Variants in KHDRBS2 observed in about 807,000 individuals in gnomAD.
KHDRBS2 encodes KH domain-containing, RNA-binding, signal transduction-associated protein 2.
In KHDRBS2, 26 loss-of-function variants were observed where a neutral mutation model predicts 44.3. The observed-to-expected ratio is 0.59, with a 90% CI of 0.43 to 0.81. The LOEUF is 0.81. KHDRBS2 is among the 40% of genes least tolerant of loss of function. The pLI, the probability that KHDRBS2 is intolerant of heterozygous loss-of-function variation, is 0.00. For synonymous variants in KHDRBS2, 194 were observed against 151.1 expected (o/e 1.28, Z -2.08); for missense variants, 476 against 433.1 (o/e 1.10, Z -0.88).
At chr6:61,961,977 G>T (rs138396890) in intron 4 of KHDRBS2, among the ~76,000 whole-genome samples, 2 of 150,572 alleles carry the variant, frequency 1.3e-5, no homozygotes, top group Admixed American at 6.6e-5. Context: ...TTTATGTGGA[G>T]ATATATATAT....
chr6:61,719,842 T>C (rs374171562), intron 7 of KHDRBS2, among the ~76,000 whole-genome samples: 1 of 152,092 alleles, frequency 6.6e-6, no homozygotes, highest in African/African-American at 2.4e-5. Flanking sequence ...GTTAGTTACA[T>C]ATGTATACAT....
At position 61,945,150 on chromosome 6, in the gene KHDRBS2, T is replaced by TATATATATCACAC. The variant is rs371595813; in HGVS notation, c.483+32915_483+32916insGTGTGATATATAT. Among the ~76,000 whole-genome samples the TATATATATCACAC allele has an allele frequency of 2.3e-5, 2 of 87,012 alleles. 1 individual carries two copies. The highest frequency in any genetic ancestry group is 4.6e-5 in the Non-Finnish European group (2 of 43,568). 57.1% of individuals were successfully genotyped at this position (87,012 alleles called of 152,430 possible). A position where few individuals can be genotyped will look rare whatever the true frequency, so the allele number is the denominator to read the frequency against. ...ATATATATATATATATATATATATA[T>TATATATATCACAC]ACACACAGACTTGTCTTGATAAAGT... On this transcript the variant is annotated intron_variant, in intron 4 of 8. Transcript: ENST00000281156.
intron 4 of KHDRBS2, among the ~76,000 whole-genome samples, chr6:61,909,272 T>C (rs1330694357): frequency 1.3e-5 from 2 of 152,100 alleles, no homozygotes; most frequent in Admixed American, 6.6e-5. Flanking sequence ...TTTTGCCATG[T>C]TGCCCAGGCT....
the KHDRBS2 span, among the ~76,000 whole-genome samples, chr6:61,567,245 G>A: frequency 6.6e-6 from 1 of 152,170 alleles, no homozygotes; most frequent in Non-Finnish European, 1.5e-5. Context: ...ATTTACAGCT[G>A]CAAGTTTTCT....
chr6:62,064,325 C>T (rs1401412454), intron 2 of KHDRBS2, among the ~76,000 whole-genome samples: 10 of 149,368 alleles, frequency 6.7e-5, no homozygotes, highest in Non-Finnish European at 1.3e-4. Context: ...ATCGCCAAGT[C>T]AATCCTAAGC....
Position 61,854,577 on chromosome 6 carries a change from T to G in KHDRBS2, c.810+40058A>C, listed in dbSNP as rs1037736777. ...AAACAAAATTATAATTTCCTTCTTG[T>G]AACTCATCTATATCTCACTCACTAT... On this transcript the variant is annotated intron_variant, in intron 6 of 8. Transcript: ENST00000281156. 2.0e-5 allele frequency among the ~76,000 whole-genome samples: 3 copies of G among 152,302 alleles called. No individual in the cohort carries two copies. In the South Asian group the frequency reaches 6.2e-4, roughly 32 times the overall value.
At chr6:61,722,018 C>T (rs1401047500) in intron 7 of KHDRBS2, among the ~76,000 whole-genome samples, 1 of 151,136 alleles carries the variant, frequency 6.6e-6, no homozygotes, top group African/African-American at 2.4e-5. Flanking sequence ...AAGGCCTTTT[C>T]TGCATCTATT....
chr6:61,571,540 A>T, the KHDRBS2 span, among the ~76,000 whole-genome samples: 1 of 149,626 alleles, frequency 6.7e-6, no homozygotes, highest in Non-Finnish European at 1.5e-5. Context: ...ATGGACTGAA[A>T]CTATACCCTA....
At chr6:61,679,862 A>C (rs1180263706), downstream of KHDRBS2, 1 of 151,960 alleles carries the variant, frequency 6.6e-6, no homozygotes, top group Non-Finnish European at 1.5e-5. Flanking sequence ...GTAAGTGGTA[A>C]TCTTACCTCT....
At chr6:61,702,419 T>C (rs746380709) in intron 7 of KHDRBS2, among the ~76,000 whole-genome samples, 12 of 151,924 alleles carry the variant, frequency 7.9e-5, no homozygotes, top group Non-Finnish European at 1.3e-4. Context: ...GTAGGAGAGA[T>C]AAACTTTTCT....
chr6:61,809,110 G>A (rs1346546737), intron 6 of KHDRBS2, among the ~76,000 whole-genome samples: 1 of 151,958 alleles, frequency 6.6e-6, no homozygotes, highest in African/African-American at 2.4e-5. Flanking sequence ...AAACTGTCAT[G>A]CAATGGTATC....
chr6:61,967,855 TACATACAC>T (rs57922976), intron 4 of KHDRBS2, among the ~76,000 whole-genome samples: 93,564 of 142,142 alleles, frequency 0.66, 30,921 homozygotes, highest in African/African-American at 0.74. Context: ...CATACATACA[TACATACAC>T]ACATACACAC....
At chr6:62,274,826 A>T (rs1840657597) in intron 1 of KHDRBS2, among the ~76,000 whole-genome samples, 1 of 152,148 alleles carries the variant, frequency 6.6e-6, no homozygotes, top group Non-Finnish European at 1.5e-5. Context: ...TAAATCTCAA[A>T]TAGTAATGAA....
chr6:62,103,030 T>G (rs937834877), intron 2 of KHDRBS2, among the ~76,000 whole-genome samples: 1 of 151,740 alleles, frequency 6.6e-6, no homozygotes, highest in African/African-American at 2.4e-5. Context: ...GAGTCTGGGG[T>G]TTTTATGAGC....
At chr6:62,197,765 C>T (rs1376513669) in intron 1 of KHDRBS2, among the ~76,000 whole-genome samples, 1 of 152,158 alleles carries the variant, frequency 6.6e-6, no homozygotes, top group Non-Finnish European at 1.5e-5. Context: ...ACTCTCTACC[C>T]CAAATCAACA....
intron 3 of KHDRBS2, among the ~76,000 whole-genome samples, chr6:62,025,309 T>TC (rs1190859106): frequency 6.6e-6 from 1 of 151,782 alleles, no homozygotes; most frequent in East Asian, 1.9e-4. Flanking sequence ...CACTATTTTT[T>TC]CAAAATTTAT....
chr6:61,645,616 T>G, the KHDRBS2 span, among the ~76,000 whole-genome samples: 6 of 152,118 alleles, frequency 3.9e-5, no homozygotes, highest in African/African-American at 7.2e-5. Flanking sequence ...TCAAAGTGTT[T>G]CCTTGAATGT....
intron 1 of KHDRBS2, among the ~76,000 whole-genome samples, chr6:62,251,252 G>A (rs1023187241): frequency 6.6e-6 from 1 of 151,702 alleles, no homozygotes; most frequent in Non-Finnish European, 1.5e-5. Flanking sequence ...CTCAGCAAAT[G>A]ATTAAAGTCA....
At chr6:62,065,010 A>T (rs1233184679) in intron 2 of KHDRBS2, among the ~76,000 whole-genome samples, 2 of 152,184 alleles carry the variant, frequency 1.3e-5, no homozygotes, top group South Asian at 2.1e-4. Context: ...ACATTTATGC[A>T]GCCAAAAAAA....
Sources: gnomAD v4.1 joint callset for allele counts (sites outside exome capture counted in the v4.1 genomes callset) on GRCh38, gnomAD v4.1.1 for gene constraint, MANE v1.5 for transcripts, NCBI Gene and HGNC (gene_info 2026-07-23, HGNC 2026-07-21) for gene names.